Variants in MYO1E observed in about 807,000 individuals in gnomAD.
MYO1E encodes unconventional myosin-Ie.
Under a neutral mutation model 151.1 loss-of-function variants are expected in MYO1E, and 68 were observed. That is an observed-to-expected ratio of 0.45 (90% confidence interval 0.37 to 0.55). The LOEUF (loss-of-function observed/expected upper bound fraction) is 0.55. MYO1E is among the 20% of genes least tolerant of loss of function. MYO1E has a pLI of 0.00. For missense variants in MYO1E, 1,363 were observed against 1,389.3 expected, an observed-to-expected ratio of 0.98 and a Z score of 0.30; for synonymous variants, 601 against 501.7, an observed-to-expected ratio of 1.20 and a Z score of -2.64.
intron 18 of MYO1E, among the ~76,000 whole-genome samples, chr15:59,181,477 TA>T (rs1429106302): frequency 6.6e-6 from 1 of 152,226 alleles, no homozygotes; most frequent in African/African-American, 2.4e-5. Context: ...TCTGAAGGCA[TA>T]AAAGTTGTAG....
At chr15:59,139,471 C>T (rs1212771861) in intron 26 of MYO1E, among the ~76,000 whole-genome samples, 2 of 143,522 alleles carry the variant, frequency 1.4e-5, no homozygotes, top group Admixed American at 7.0e-5. Flanking sequence ...TTCACCCGCT[C>T]ATTACTCTGC....
chr15:59,291,767 C>T (rs1389347452), intron 1 of MYO1E, among the ~76,000 whole-genome samples: 1 of 142,694 alleles, frequency 7.0e-6, no homozygotes, highest in Non-Finnish European at 1.5e-5. Flanking sequence ...CTTGAGATGC[C>T]GAGGAAGATA....
At chr15:59,316,755 A>T (rs1037370155) in intron 1 of MYO1E, among the ~76,000 whole-genome samples, 5 of 152,208 alleles carry the variant, frequency 3.3e-5, no homozygotes, top group African/African-American at 1.2e-4. Flanking sequence ...TGAGGTCTAC[A>T]GGATCCGTTA....
intron 1 of MYO1E, among the ~76,000 whole-genome samples, chr15:59,312,361 C>T (rs1351945850): frequency 6.6e-6 from 1 of 152,266 alleles, no homozygotes; most frequent in African/African-American, 2.4e-5. Flanking sequence ...CGTGGAGGAA[C>T]AGGAACTTGG....
intron 4 of MYO1E, among the ~76,000 whole-genome samples, chr15:59,246,992 C>T (rs2140364409): frequency 6.6e-6 from 1 of 152,252 alleles, no homozygotes; most frequent in South Asian, 2.1e-4. Context: ...TAAAAAGCAC[C>T]TGAGTCCAGC....
intron 1 of MYO1E, among the ~76,000 whole-genome samples, chr15:59,355,110 G>C (rs550479095): frequency 6.6e-5 from 10 of 152,300 alleles, no homozygotes; most frequent in Admixed American, 1.3e-4. Context: ...TTTTGGTCTA[G>C]TGGGGAACAG....
chr15:59,233,711 T>C (rs1346386191), intron 5 of MYO1E, among the ~76,000 whole-genome samples: 2 of 150,166 alleles, frequency 1.3e-5, no homozygotes, highest in Non-Finnish European at 3.0e-5. Context: ...TCCTGGATTC[T>C]TGTCTCCATG....
intron 18 of MYO1E, among the ~76,000 whole-genome samples, chr15:59,185,557 G>A (rs528885225): frequency 5.3e-5 from 8 of 152,124 alleles, no homozygotes; most frequent in Non-Finnish European, 1.0e-4. Context: ...GTGAGCCACC[G>A]TGCCCGGCCC....
chr15:59,232,493 T>G (rs1481384054), intron 5 of MYO1E, among the ~76,000 whole-genome samples: 1 of 152,200 alleles, frequency 6.6e-6, no homozygotes, highest in Non-Finnish European at 1.5e-5. Context: ...AGGATTTGTT[T>G]TTCAAACATC....
At chr15:59,366,709 A>G (rs545200769) in intron 1 of MYO1E, among the ~76,000 whole-genome samples, 36 of 152,198 alleles carry the variant, frequency 2.4e-4, no homozygotes, top group African/African-American at 8.2e-4. Flanking sequence ...GGCTGTCCCA[A>G]AGATATATGA....
intron 1 of MYO1E, among the ~76,000 whole-genome samples, chr15:59,363,282 T>C (rs868374765): frequency 3.3e-5 from 5 of 152,310 alleles, no homozygotes; most frequent in African/African-American, 1.2e-4. Context: ...CGGCCAGTAT[T>C]ACTTTCTTTT....
intron 13 of MYO1E, among the ~76,000 whole-genome samples, chr15:59,209,608 G>A (rs1596366842): frequency 6.6e-6 from 1 of 151,916 alleles, no homozygotes; most frequent in South Asian, 2.1e-4. Context: ...CCCGGGAGGT[G>A]GAGGTTACAG....
chr15:59,167,346 T>C (rs2079568435), intron 22 of MYO1E, among the ~76,000 whole-genome samples: 1 of 152,052 alleles, frequency 6.6e-6, no homozygotes, highest in Admixed American at 6.6e-5. Flanking sequence ...AGAAGAAAAA[T>C]GAGAAGCCTC....
At chr15:59,183,527 C>T (rs1446722263) in intron 18 of MYO1E, among the ~76,000 whole-genome samples, 1 of 151,896 alleles carries the variant, frequency 6.6e-6, no homozygotes, top group East Asian at 1.9e-4. Context: ...GGGGTGGATA[C>T]ATAGTAGGTA....
At chr15:59,323,584 A>G (rs1401867258) in intron 1 of MYO1E, among the ~76,000 whole-genome samples, 3 of 151,724 alleles carry the variant, frequency 2.0e-5, no homozygotes. Flanking sequence ...TGACCCCGGG[A>G]GGTGGAGCTT....
intron 1 of MYO1E, among the ~76,000 whole-genome samples, chr15:59,298,537 A>C (rs2080464596): frequency 6.6e-6 from 1 of 152,194 alleles, no homozygotes; most frequent in South Asian, 2.1e-4. Flanking sequence ...GTCTGTCCAT[A>C]TGCAAAGCTG....
At chr15:59,161,856 G>A (rs2079539781) in intron 23 of MYO1E, among the ~76,000 whole-genome samples, 1 of 152,046 alleles carries the variant, frequency 6.6e-6, no homozygotes, top group Admixed American at 6.5e-5. Context: ...TCCTTATTCT[G>A]TTTTTAAGTT....
chr15:59,248,831 G>A (rs558048077), intron 4 of MYO1E, among the ~76,000 whole-genome samples: 4 of 152,308 alleles, frequency 2.6e-5, no homozygotes, highest in African/African-American at 7.2e-5. Context: ...TAGCAAATAC[G>A]ATCATCCCTT....
intron 1 of MYO1E, among the ~76,000 whole-genome samples, chr15:59,278,269 A>G (rs971310460): frequency 1.3e-5 from 2 of 152,244 alleles, no homozygotes; most frequent in Non-Finnish European, 2.9e-5. Context: ...CCCCAGTGTT[A>G]TAAGTAGATC....
Sources: allele counts gnomAD v4.1 joint callset (sites outside exome capture counted in the v4.1 genomes callset), GRCh38; gene constraint gnomAD v4.1.1; transcripts MANE v1.5; gene names NCBI Gene and HGNC (gene_info 2026-07-23, HGNC 2026-07-21).